Variants in YEATS2 observed in about 807,000 individuals in gnomAD.
YEATS2 encodes the protein YEATS domain containing 2, also known as YEATS domain-containing protein 2.
In YEATS2, 77 loss-of-function variants were observed where a neutral mutation model predicts 163.2. The observed-to-expected ratio is 0.47, with a 90% CI of 0.39 to 0.57. The LOEUF (loss-of-function observed/expected upper bound fraction) is 0.57, where lower values mean the gene tolerates loss of function less well. Ranked by LOEUF, YEATS2 falls within the 20% of genes least tolerant of loss-of-function variation. YEATS2 has a pLI of 0.00. For synonymous variants in YEATS2, 631 were observed against 645.1 expected (o/e 0.98, Z 0.33); for missense variants, 1,549 against 1,729.8 (o/e 0.90, Z 1.85).
intron 28 of YEATS2, 139 bp downstream of exon 28, chr3:183,807,231 A>T: frequency 1.3e-6 from 1 of 759,080 alleles, no homozygotes. Flanking sequence ...GGTGCCGTAG[A>T]TGCTTGACTT....
At chr3:183,756,840 C>A in intron 12 of YEATS2, 151 bp downstream of exon 12, 1 of 693,632 alleles carries the variant, frequency 1.4e-6, no homozygotes. Flanking sequence ...AATACTCTTT[C>A]TCTGAGGGGA....
chr3:183,793,613 T>TTC, intron 21 of YEATS2: 5 of 230,394 alleles, frequency 2.2e-5, no homozygotes, highest in South Asian at 1.6e-4. Context: ...TTCTTTCTTT[T>TTC]TTTTTTTTTT....
At chr3:183,742,083 G>T (rs1236621486) in intron 8 of YEATS2, among the ~76,000 whole-genome samples, 1 of 151,318 alleles carries the variant, frequency 6.6e-6, no homozygotes, top group African/African-American at 2.4e-5. Flanking sequence ...GGTGGCGCTT[G>T]CCTGTAGACC....
intron 10 of YEATS2, among the ~76,000 whole-genome samples, chr3:183,753,115 A>C (rs1489914474): frequency 1.3e-5 from 2 of 152,158 alleles, no homozygotes; most frequent in Non-Finnish European, 2.9e-5. Context: ...GATTTTTATC[A>C]CTTGATAATT....
At chr3:183,752,032 G>T (rs1720219870) in intron 9 of YEATS2, 41 bp from the exon 10 acceptor site, 4 of 1,607,618 alleles carry the variant, frequency 2.5e-6, no homozygotes, top group Non-Finnish European at 2.6e-6. Flanking sequence ...CTGTGACATT[G>T]ATGATGGACT....
chr3:183,722,107 G>A lies in YEATS2; in HGVS notation c.508G>A (p.Glu170Lys), dbSNP rs1243916212. 1 of 1,613,794 alleles carries A rather than the reference G, an allele frequency of 6.2e-7. No individual in the cohort carries two copies. ...DIEERLSNNM[E>K]QRPSRNTGRD... ...AGAGGAAAGACTCTCAAACAACATG[G>A]AGCAGAGACCAAGCCGAAATACTGG... is the stretch of plus-strand genomic sequence containing the variant. Residue 170 changes from glutamate (E) to lysine (K), a missense_variant, in exon 5 of 31, where the codon GAG becomes AAG. Glu to Lys is a moderately conservative substitution (Grantham distance 56). Coordinates refer to ENST00000305135, the MANE Select transcript of YEATS2 (RefSeq NM_018023.5).
chr3:183,779,943 G>A (rs985553248), intron 19 of YEATS2, among the ~76,000 whole-genome samples: 3 of 150,718 alleles, frequency 2.0e-5, no homozygotes, highest in Non-Finnish European at 4.4e-5. Flanking sequence ...TGATCTGCCC[G>A]CCTCGGCCTC....
chr3:183,741,971 G>A (rs1331205793), intron 8 of YEATS2, among the ~76,000 whole-genome samples: 1 of 151,842 alleles, frequency 6.6e-6, no homozygotes, highest in African/African-American at 2.4e-5. Flanking sequence ...CCCTTTGGGA[G>A]GCCAAGGAGG....
At chr3:183,714,922 T>C (rs1715675330) in intron 1 of YEATS2, among the ~76,000 whole-genome samples, 1 of 152,236 alleles carries the variant, frequency 6.6e-6, no homozygotes, top group East Asian at 1.9e-4. Context: ...TCTTTTTTTT[T>C]TTTGGTGGAA....
chr3:183,707,958 G>A (rs1714789963), intron 1 of YEATS2, among the ~76,000 whole-genome samples: 1 of 152,008 alleles, frequency 6.6e-6, no homozygotes, highest in African/African-American at 2.4e-5. Context: ...ATAGGCGTGA[G>A]CAGCCAGCAT....
intron 7 of YEATS2, among the ~76,000 whole-genome samples, chr3:183,730,052 G>GTTTGTTTTTTTTTTTTTTTTTTTTTTT (rs1560244258): frequency 2.4e-5 from 1 of 41,698 alleles, no homozygotes; most frequent in African/African-American, 8.2e-5. Context: ...TTTTTTGTTT[G>GTTTGTTTTTTTTTTTTTTTTTTTTTTT]TTTTTTTTTT....
intron 8 of YEATS2, among the ~76,000 whole-genome samples, chr3:183,741,645 G>C (rs1718978568): frequency 6.6e-6 from 1 of 151,930 alleles, no homozygotes. Flanking sequence ...AGCTGGGCGT[G>C]GTGGGTCACA....
intron 15 of YEATS2, among the ~76,000 whole-genome samples, chr3:183,770,589 T>C (rs1233468708): frequency 6.6e-6 from 1 of 152,204 alleles, no homozygotes; most frequent in Non-Finnish European, 1.5e-5. Context: ...TTTCTCCAAA[T>C]AAAACATTTC....
At chr3:183,760,937 T>C (rs1011726392) in intron 13 of YEATS2, among the ~76,000 whole-genome samples, 1 of 152,198 alleles carries the variant, frequency 6.6e-6, no homozygotes, top group Admixed American at 6.5e-5. Context: ...AGCCAAATGT[T>C]AGGGGTAGTA....
At position 183,790,837 on chromosome 3, in the gene YEATS2, C is replaced by G. The variant is rs748102025; in HGVS notation, c.2954C>G (p.Ser985Cys). ...MAPVSSSTVS[S>C]VTKTSGQQQV... is the part of the protein sequence containing the mutation. Reference sequence around the variant, plus strand: ...CCCGTGTCTTCATCTACGGTCAGTTCTGTAACGAAAACTTCTGGGCAGCAG... The same window carrying G: ...CCCGTGTCTTCATCTACGGTCAGTTGTGTAACGAAAACTTCTGGGCAGCAG... Residue 985 changes from serine to cysteine, a missense_variant, in exon 21 of 31, where the codon TCT (serine) becomes TGT (cysteine). Ser to Cys is a moderately radical substitution (Grantham distance 112). Transcript: ENST00000305135. 3 of 1,614,174 alleles carry G rather than the reference C, an allele frequency of 1.9e-6. No individual in the cohort carries two copies. The highest frequency in any genetic ancestry group is 2.5e-6 in the Non-Finnish European group (3 of 1,180,032).
intron 28 of YEATS2, chr3:183,807,649 A>G (rs1455851145): frequency 4.6e-6 from 1 of 215,168 alleles, no homozygotes; most frequent in African/African-American, 2.3e-5. Context: ...GTGTGCTTTC[A>G]TTGGATGCCA....
intron 8 of YEATS2, among the ~76,000 whole-genome samples, chr3:183,744,472 A>G (rs1207155045): frequency 6.6e-6 from 1 of 152,170 alleles, no homozygotes; most frequent in Non-Finnish European, 1.5e-5. Context: ...CTTATGTTGC[A>G]CTGGGCTCAG....
intron 1 of YEATS2, 64 bp downstream of exon 1, chr3:183,698,057 T>G (rs930025416): frequency 1.1e-4 from 16 of 151,938 alleles, no homozygotes; most frequent in African/African-American, 3.9e-4. Flanking sequence ...GGGGCATTGT[T>G]TGGGCGGGGG....
chr3:183,778,121 A>G (rs1008623358), intron 19 of YEATS2, among the ~76,000 whole-genome samples: 10 of 148,398 alleles, frequency 6.7e-5, no homozygotes, highest in African/African-American at 2.6e-4. Flanking sequence ...CAAAAAAAAA[A>G]AAAAAAAGAA....
Sources: gnomAD v4.1 joint callset for allele counts (sites outside exome capture counted in the v4.1 genomes callset) on GRCh38, gnomAD v4.1.1 for gene constraint, MANE v1.5 for transcripts, NCBI Gene and HGNC (gene_info 2026-07-23, HGNC 2026-07-21) for gene names.